DLG2: variants seen among roughly 807,000 people sequenced by gnomAD.
DLG2 encodes the protein disks large homolog 2.
In DLG2, 45 loss-of-function variants were observed where a neutral mutation model predicts 132.5. That is an observed-to-expected ratio of 0.34 (90% CI 0.27 to 0.44). The LOEUF (loss-of-function observed/expected upper bound fraction) is 0.44. Among genes scored for constraint, DLG2 ranks in the 20% least tolerant of loss-of-function variants. The pLI, the probability that DLG2 is intolerant of heterozygous loss-of-function variation, is 1.00. For missense variants in DLG2, 1,045 were observed against 1,196.9 expected (o/e 0.87, Z 1.87); for synonymous variants, 424 against 419.6 (o/e 1.01, Z -0.13).
In DLG2 at chr11:85,463,088, G is replaced by A. The variant is rs139488794; in HGVS notation, c.40+135569C>T. Among the ~76,000 whole-genome samples, 39 of 152,320 alleles carry A rather than the reference G, an allele frequency of 2.6e-4. No homozygotes were observed. In the East Asian group the frequency reaches 7.3e-3, roughly 29 times the overall value. On this transcript the variant is annotated intron_variant, in intron 3 of 27. Coordinates refer to ENST00000376104, the MANE Select transcript of DLG2 (RefSeq NM_001142699.3). ...ATGGAATTCCAGTGTCCAGAACTGAGAGAAAATAAACTGTTGTGTAAACTA... is the reference window on the plus strand; with the variant it reads ...ATGGAATTCCAGTGTCCAGAACTGAAAGAAAATAAACTGTTGTGTAAACTA...
intron 19 of DLG2, among the ~76,000 whole-genome samples, chr11:83,584,592 G>C (rs2097049296): frequency 6.6e-6 from 1 of 152,178 alleles, no homozygotes; most frequent in Non-Finnish European, 1.5e-5. Flanking sequence ...GAATAATAGA[G>C]TGTCATATAA....
At chr11:83,755,302 T>C (rs1490669067) in intron 18 of DLG2, among the ~76,000 whole-genome samples, 1 of 151,330 alleles carries the variant, frequency 6.6e-6, no homozygotes, top group East Asian at 1.9e-4. Context: ...TTAGTTCTAC[T>C]CTGATATCGA....
At chr11:83,584,082 A>G (rs2097034455) in intron 19 of DLG2, among the ~76,000 whole-genome samples, 1 of 152,216 alleles carries the variant, frequency 6.6e-6, no homozygotes, top group Non-Finnish European at 1.5e-5. Context: ...GACAACATCA[A>G]GATACTTATA....
At chr11:85,545,262 T>C (rs933168985) in intron 3 of DLG2, among the ~76,000 whole-genome samples, 2 of 152,208 alleles carry the variant, frequency 1.3e-5, no homozygotes, top group African/African-American at 4.8e-5. Context: ...GATTTTGTCA[T>C]TGGTTCTGTT....
chr11:85,240,783 T>A (rs1016288250), intron 4 of DLG2, among the ~76,000 whole-genome samples: 3 of 151,836 alleles, frequency 2.0e-5, no homozygotes, highest in Admixed American at 6.6e-5. Flanking sequence ...TAGCATGGTG[T>A]CTTATTACTA....
At chr11:85,082,815 T>A (rs1258582258) in intron 6 of DLG2, among the ~76,000 whole-genome samples, 1 of 151,140 alleles carries the variant, frequency 6.6e-6, no homozygotes, top group African/African-American at 2.4e-5. Context: ...AGAATTCTTA[T>A]TCTGATTTGA....
chr11:84,357,201 C>T (rs566343231), intron 7 of DLG2, among the ~76,000 whole-genome samples: 2 of 152,134 alleles, frequency 1.3e-5, no homozygotes, highest in South Asian at 4.2e-4. Context: ...CTGTAGACAG[C>T]AAACTACAGA....
At chr11:83,825,702 G>A (rs773000489) in intron 17 of DLG2, among the ~76,000 whole-genome samples, 12 of 152,204 alleles carry the variant, frequency 7.9e-5, no homozygotes, top group African/African-American at 1.7e-4. Context: ...CTGCTGCTCC[G>A]TCCCCACTCA....
intron 19 of DLG2, among the ~76,000 whole-genome samples, chr11:83,602,730 T>A (rs1594284100): frequency 6.6e-6 from 1 of 152,316 alleles, no homozygotes; most frequent in Non-Finnish European, 1.5e-5. Flanking sequence ...CTCATAGTGG[T>A]ATAGTGAAGA....
intron 7 of DLG2, among the ~76,000 whole-genome samples, chr11:84,262,766 G>C (rs1198291527): frequency 2.6e-5 from 4 of 152,162 alleles, no homozygotes; most frequent in Non-Finnish European, 4.4e-5. Context: ...ATATCAGTGA[G>C]AACATACAAT....
intron 6 of DLG2, among the ~76,000 whole-genome samples, chr11:84,994,796 G>A (rs1486215774): frequency 6.6e-6 from 1 of 152,096 alleles, no homozygotes; most frequent in East Asian, 1.9e-4. Context: ...AGATAATGGG[G>A]GTTATTGAAG....
At chr11:83,825,011 G>C (rs1006798577) in intron 17 of DLG2, among the ~76,000 whole-genome samples, 1 of 151,202 alleles carries the variant, frequency 6.6e-6, no homozygotes, top group African/African-American at 2.4e-5. Context: ...AGTTTGCTGA[G>C]TGCCCACAGA....
At chr11:85,387,215 T>G (rs1281876290) in intron 3 of DLG2, among the ~76,000 whole-genome samples, 1 of 152,212 alleles carries the variant, frequency 6.6e-6, no homozygotes, top group Non-Finnish European at 1.5e-5. Context: ...TTTATCTTTG[T>G]GAAGAACATT....
At chr11:84,132,697 A>C (rs2094463495) in intron 9 of DLG2, among the ~76,000 whole-genome samples, 1 of 152,020 alleles carries the variant, frequency 6.6e-6, no homozygotes, top group Admixed American at 6.6e-5. Flanking sequence ...TATTAAAACA[A>C]GAAATAAGCA....
At chr11:85,461,235 T>A (rs895933119) in intron 3 of DLG2, among the ~76,000 whole-genome samples, 1 of 152,216 alleles carries the variant, frequency 6.6e-6, no homozygotes, top group African/African-American at 2.4e-5. Flanking sequence ...TCACTTTTCC[T>A]CTCTTGGTTT....
chr11:83,527,602 T>C (rs1389952514), intron 21 of DLG2, among the ~76,000 whole-genome samples: 7 of 152,116 alleles, frequency 4.6e-5, no homozygotes, highest in African/African-American at 1.7e-4. Context: ...TTATAATGGC[T>C]ACTCATATTA....
chr11:84,610,589 G>A (rs1374931713), intron 6 of DLG2, among the ~76,000 whole-genome samples: 3 of 152,174 alleles, frequency 2.0e-5, no homozygotes, highest in African/African-American at 4.8e-5. Context: ...GTAAGCCAAT[G>A]GTGGAAGCCT....
intron 3 of DLG2, among the ~76,000 whole-genome samples, chr11:85,424,723 A>G (rs1404941822): frequency 2.0e-5 from 3 of 152,204 alleles, no homozygotes; most frequent in African/African-American, 4.8e-5. Flanking sequence ...AAGACGAAGC[A>G]GACCTGACAT....
intron 5 of DLG2, among the ~76,000 whole-genome samples, chr11:85,119,335 C>T (rs1041898371): frequency 2.0e-5 from 3 of 151,946 alleles, no homozygotes; most frequent in Non-Finnish European, 2.9e-5. Flanking sequence ...TTTATGGAGG[C>T]ATGTCCCAAT....
Sources: gnomAD v4.1 joint callset for allele counts (sites outside exome capture counted in the v4.1 genomes callset) on GRCh38, gnomAD v4.1.1 for gene constraint, MANE v1.5 for transcripts, NCBI Gene and HGNC (gene_info 2026-07-23, HGNC 2026-07-21) for gene names.